The following KSR2 variants were observed in gnomAD, a reference collection of about 807,000 sequenced individuals.
KSR2 encodes the protein kinase suppressor of ras 2.
In KSR2, 25 loss-of-function variants were observed where a neutral mutation model predicts 107.8. That is an observed-to-expected ratio of 0.23 (90% confidence interval 0.17 to 0.32). The LOEUF (loss-of-function observed/expected upper bound fraction) is 0.32. Ranked by LOEUF, KSR2 falls within the 10% of genes least tolerant of loss-of-function variation. KSR2 has a pLI of 1.00. For synonymous variants in KSR2, 480 were observed against 507.0 expected, an observed-to-expected ratio of 0.95 and a Z score of 0.71; for missense variants, 887 against 1,268.9, an observed-to-expected ratio of 0.70 and a Z score of 4.57.
At chr12:117,689,870 G>A (rs1008937056) in intron 4 of KSR2, among the ~76,000 whole-genome samples, 3 of 152,090 alleles carry the variant, frequency 2.0e-5, no homozygotes, top group Non-Finnish European at 4.4e-5. Context: ...AAGGGGGGTG[G>A]GGGGAACTCC....
chr12:117,781,610 G>A (rs12824323), intron 3 of KSR2, among the ~76,000 whole-genome samples: 14,731 of 152,254 alleles, frequency 0.097, 973 homozygotes, highest in South Asian at 0.21. Context: ...AAACTTGTCT[G>A]TGTCTTCAAC....
intron 4 of KSR2, among the ~76,000 whole-genome samples, chr12:117,689,266 G>C (rs1013714053): frequency 3.3e-5 from 5 of 152,006 alleles, no homozygotes; most frequent in Non-Finnish European, 7.4e-5. Flanking sequence ...GTGTAGACCA[G>C]GGGTCATCCA....
At chr12:117,478,665 G>C (rs1030993616) in intron 16 of KSR2, among the ~76,000 whole-genome samples, 2 of 151,768 alleles carry the variant, frequency 1.3e-5, no homozygotes, top group African/African-American at 4.8e-5. Flanking sequence ...TGCCCAGGCT[G>C]GTCTGAAACT....
intron 4 of KSR2, among the ~76,000 whole-genome samples, chr12:117,712,621 G>C (rs551839414): frequency 6.6e-6 from 1 of 152,154 alleles, no homozygotes; most frequent in East Asian, 1.9e-4. Context: ...CATTTAAAAG[G>C]CTTAACACAG....
chr12:117,773,620 A>C (rs762835657), intron 3 of KSR2, among the ~76,000 whole-genome samples: 3 of 152,204 alleles, frequency 2.0e-5, no homozygotes, highest in Non-Finnish European at 4.4e-5. Context: ...ACTTTTGTGA[A>C]TACTTCAATG....
chr12:117,467,251 C>T (rs190363813), intron 19 of KSR2, 46 bp from the exon 20 acceptor site: 1 of 701,480 alleles, frequency 1.4e-6, no homozygotes, highest in East Asian at 2.8e-5. Flanking sequence ...GTCACAAGGA[C>T]ATGATGATGT....
intron 14 of KSR2, among the ~76,000 whole-genome samples, chr12:117,522,709 C>T (rs1317570819): frequency 2.0e-5 from 3 of 152,126 alleles, no homozygotes; most frequent in African/African-American, 7.2e-5. Flanking sequence ...CCTCTTGCTA[C>T]ACTTGGAAAC....
chr12:117,530,239 A>T (rs550558558), intron 12 of KSR2, among the ~76,000 whole-genome samples: 11 of 152,324 alleles, frequency 7.2e-5, no homozygotes, highest in African/African-American at 2.6e-4. Flanking sequence ...CCCTTTTTAA[A>T]GAATAGCCCA....
In KSR2 at chr12:117,868,500, C is replaced by G. The variant is rs924830106; in HGVS notation, c.181-8069G>C. On this transcript the variant is annotated intron_variant, in intron 1 of 19. Transcript: ENST00000339824. ...TGAGCACTTCCCCCATGTGCCAGGCCCATGCTGAAGGTCACACATGCATTA... is the reference window on the plus strand; with the variant it reads ...TGAGCACTTCCCCCATGTGCCAGGCGCATGCTGAAGGTCACACATGCATTA... Among the ~76,000 whole-genome samples, 7 of 151,892 alleles carry G rather than the reference C, an allele frequency of 4.6e-5. No individual in the cohort carries two copies. In the East Asian group the frequency reaches 1.4e-3, roughly 29 times the overall value.
At chr12:117,830,617 C>G (rs1009443288) in intron 3 of KSR2, among the ~76,000 whole-genome samples, 1 of 152,168 alleles carries the variant, frequency 6.6e-6, no homozygotes, top group Non-Finnish European at 1.5e-5. Flanking sequence ...CCTAAGAAAG[C>G]CTGCGTCATT....
chr12:117,833,502 A>G (rs1356866437), intron 3 of KSR2, among the ~76,000 whole-genome samples: 1 of 152,136 alleles, frequency 6.6e-6, no homozygotes, highest in African/African-American at 2.4e-5. Context: ...AGCTGGGACT[A>G]CAGGCACACA....
At chr12:117,703,919 G>T (rs999926422) in intron 4 of KSR2, among the ~76,000 whole-genome samples, 31 of 152,124 alleles carry the variant, frequency 2.0e-4, no homozygotes, top group Non-Finnish European at 4.4e-5. Context: ...CAAAGAAACT[G>T]GGGAGAAAAA....
At chr12:117,709,246 AC>A (rs1458909300) in intron 4 of KSR2, among the ~76,000 whole-genome samples, 1 of 151,830 alleles carries the variant, frequency 6.6e-6, no homozygotes, top group Non-Finnish European at 1.5e-5. Context: ...TCCCCAAAGC[AC>A]CCCCTAATTA....
intron 19 of KSR2, chr12:117,467,922 T>TTG: frequency 1.1e-5 from 4 of 357,792 alleles, no homozygotes; most frequent in East Asian, 1.6e-4. Flanking sequence ...GTCCTGTGTT[T>TTG]TTTTTTTTTT....
chr12:117,642,822 T>C (rs1883440111), intron 5 of KSR2, among the ~76,000 whole-genome samples: 1 of 151,906 alleles, frequency 6.6e-6, no homozygotes, highest in African/African-American at 2.4e-5. Context: ...TCTAGGAGAG[T>C]AGTTTCCAAG....
intron 1 of KSR2, among the ~76,000 whole-genome samples, 163 bp downstream of exon 1, chr12:117,967,913 C>T (rs1178943386): frequency 1.3e-5 from 2 of 151,696 alleles, no homozygotes; most frequent in Non-Finnish European, 2.9e-5. Context: ...GGAGAGAAAT[C>T]ACAGAAAAGC....
At chr12:117,770,533 T>A (rs949330851) in intron 3 of KSR2, among the ~76,000 whole-genome samples, 52 of 151,748 alleles carry the variant, frequency 3.4e-4, no homozygotes, top group African/African-American at 1.3e-3. Flanking sequence ...AGATTTTTTT[T>A]ACAAAAGCCC....
chr12:117,561,998 G>GTA (rs1437147914), intron 7 of KSR2, among the ~76,000 whole-genome samples: 17 of 152,144 alleles, frequency 1.1e-4, no homozygotes, highest in Admixed American at 1.3e-4. Flanking sequence ...GATGATAAAT[G>GTA]TATAAGCAGA....
intron 4 of KSR2, among the ~76,000 whole-genome samples, chr12:117,693,482 T>C (rs537069913): frequency 1.3e-5 from 2 of 152,250 alleles, no homozygotes; most frequent in African/African-American, 4.8e-5. Flanking sequence ...CTCCCCCACA[T>C]CTCTGCTCAG....
Sources: allele counts gnomAD v4.1 joint callset (sites outside exome capture counted in the v4.1 genomes callset), GRCh38; gene constraint gnomAD v4.1.1; transcripts MANE v1.5; gene names NCBI Gene and HGNC (gene_info 2026-07-23, HGNC 2026-07-21).